The following AGMO variants were observed in gnomAD, a reference collection of about 807,000 sequenced individuals.
AGMO encodes alkylglycerol monooxygenase, also known as glyceryl-ether monooxygenase.
AGMO carries 75 observed loss-of-function variants against 60.2 expected under a neutral mutation model. That is an observed-to-expected ratio of 1.25 (90% confidence interval 1.03 to 1.51). The LOEUF (loss-of-function observed/expected upper bound fraction) is 1.51, where lower values mean the gene tolerates loss of function less well. Among genes scored for constraint, AGMO ranks in the 40% most tolerant of loss-of-function variants. The pLI, the probability that AGMO is intolerant of heterozygous loss-of-function variation, is 0.00. For missense variants in AGMO, 763 were observed against 525.5 expected, an observed-to-expected ratio of 1.45 and a Z score of -4.42; for synonymous variants, 261 against 177.1, an observed-to-expected ratio of 1.47 and a Z score of -3.76.
At chr7:15,518,542 G>A (rs1228512755) in intron 3 of AGMO, among the ~76,000 whole-genome samples, 1 of 152,100 alleles carries the variant, frequency 6.6e-6, no homozygotes, top group African/African-American at 2.4e-5. Flanking sequence ...GTCTGGAGTG[G>A]ACCTCCAGCA....
the AGMO span, among the ~76,000 whole-genome samples, chr7:15,183,060 A>G: frequency 6.6e-6 from 1 of 152,220 alleles, no homozygotes; most frequent in Non-Finnish European, 1.5e-5. Context: ...ATTGGGGATT[A>G]CAATTTGACA....
At chr7:15,486,378 G>A (rs1180567773) in intron 3 of AGMO, among the ~76,000 whole-genome samples, 1 of 152,072 alleles carries the variant, frequency 6.6e-6, no homozygotes, top group Non-Finnish European at 1.5e-5. Flanking sequence ...ATTTTCTCAG[G>A]AACTGAAGTA....
In AGMO at chr7:15,390,883, G is replaced by C. The variant is rs1784110861; in HGVS notation, c.699C>G (p.Asp233Glu). ...TAATAAGAACACCAGCATAATTTTTGTCTATGCAATAACGATTTCTGCCTA... is the reference window on the plus strand; with the variant it reads ...TAATAAGAACACCAGCATAATTTTTCTCTATGCAATAACGATTTCTGCCTA... ...VHHGRNRYCIDKNYAGVLIIW... is the reference protein window; with the variant it reads ...VHHGRNRYCIEKNYAGVLIIW... Residue 233 changes from aspartate (D) to glutamate (E), a missense_variant, in exon 7 of 13, where the codon GAC (aspartate) becomes GAG (glutamate). Physicochemically the swap from Asp to Glu is conservative, Grantham distance 45. Coordinates refer to ENST00000342526, the MANE Select transcript of AGMO (RefSeq NM_001004320.2). The C allele has an allele frequency of 1.9e-6, 3 of 1,602,352 alleles. No individual in the cohort carries two copies. Among genetic ancestry groups the C allele is most frequent in the Non-Finnish European group, 1.7e-6 (2 of 1,173,708 alleles).
At chr7:15,199,315 G>A (rs1407364613), downstream of AGMO, among the ~76,000 whole-genome samples, 1 of 152,166 alleles carries the variant, frequency 6.6e-6, no homozygotes, top group Non-Finnish European at 1.5e-5. Context: ...ACCCAAGAGA[G>A]AAGAGAGAGA....
chr7:15,373,083 G>A (rs562776621), intron 10 of AGMO, among the ~76,000 whole-genome samples: 70 of 152,178 alleles, frequency 4.6e-4, no homozygotes, highest in Admixed American at 7.9e-4. Flanking sequence ...GGCCAACATG[G>A]CAAAACCCCA....
At chr7:15,184,870 GGGAA>G in the AGMO span, among the ~76,000 whole-genome samples, 2 of 106,342 alleles carry the variant, frequency 1.9e-5, no homozygotes, top group African/African-American at 3.7e-5. Context: ...AAGGGAGGGA[GGGAA>G]GGAAGGAAGG....
the AGMO span, among the ~76,000 whole-genome samples, chr7:15,162,318 GT>G: frequency 6.6e-6 from 1 of 152,188 alleles, no homozygotes; most frequent in Middle Eastern, 3.4e-3. Context: ...TTTGCAAACA[GT>G]TTACAACTCA....
At chr7:15,496,804 G>T (rs544985216) in intron 3 of AGMO, among the ~76,000 whole-genome samples, 2 of 152,112 alleles carry the variant, frequency 1.3e-5, no homozygotes, top group East Asian at 3.9e-4. Context: ...TTAGCAAAGC[G>T]CACTTGCATT....
chr7:15,507,088 G>A (rs1036195610), intron 3 of AGMO, among the ~76,000 whole-genome samples: 8 of 151,996 alleles, frequency 5.3e-5, no homozygotes, highest in African/African-American at 1.9e-4. Context: ...ACATATTTAT[G>A]ATAGTTAAGG....
At chr7:15,463,568 T>C (rs1415316029) in intron 3 of AGMO, among the ~76,000 whole-genome samples, 7 of 152,208 alleles carry the variant, frequency 4.6e-5, no homozygotes, top group Non-Finnish European at 7.3e-5. Flanking sequence ...TTAATAAGCA[T>C]TTCTTGAATA....
At chr7:15,526,045 T>A (rs1379255719) in intron 3 of AGMO, among the ~76,000 whole-genome samples, 1 of 152,122 alleles carries the variant, frequency 6.6e-6, no homozygotes, top group East Asian at 1.9e-4. Flanking sequence ...ACTAGCTCAC[T>A]CACACACCTC....
chr7:15,268,502 A>G (rs1563062023), intron 12 of AGMO, among the ~76,000 whole-genome samples: 1 of 152,004 alleles, frequency 6.6e-6, no homozygotes, highest in African/African-American at 2.4e-5. Flanking sequence ...TCATGCAATT[A>G]TATTTATTGT....
At chr7:15,252,976 C>T (rs1006780953) in intron 12 of AGMO, among the ~76,000 whole-genome samples, 6 of 152,020 alleles carry the variant, frequency 3.9e-5, no homozygotes, top group Non-Finnish European at 5.9e-5. Flanking sequence ...AATTGAGAAC[C>T]CCTAGATTCA....
chr7:15,408,658 T>C (rs1784765370), intron 5 of AGMO, among the ~76,000 whole-genome samples: 2 of 151,786 alleles, frequency 1.3e-5, no homozygotes, highest in Admixed American at 6.6e-5. Context: ...ATCAATGATA[T>C]AGGATTTCAG....
At chr7:15,397,982 G>T (rs1277405914) in intron 5 of AGMO, among the ~76,000 whole-genome samples, 1 of 152,190 alleles carries the variant, frequency 6.6e-6, no homozygotes, top group Non-Finnish European at 1.5e-5. Flanking sequence ...ACAAGAAAGT[G>T]GGGGATCCTC....
chr7:15,155,850 G>A, the AGMO span, among the ~76,000 whole-genome samples: 1 of 152,066 alleles, frequency 6.6e-6, no homozygotes, highest in Non-Finnish European at 1.5e-5. Context: ...TTTGAGTGTG[G>A]AATAAGTTGC....
At chr7:15,248,190 A>ATG (rs1782811158) in intron 12 of AGMO, among the ~76,000 whole-genome samples, 4 of 55,278 alleles carry the variant, frequency 7.2e-5, no homozygotes, top group African/African-American at 1.8e-4. Context: ...ATATATATAT[A>ATG]TATATATATA....
At chr7:15,415,552 A>T (rs1268124735) in intron 5 of AGMO, among the ~76,000 whole-genome samples, 1 of 152,060 alleles carries the variant, frequency 6.6e-6, no homozygotes, top group African/African-American at 2.4e-5. Context: ...AGAAAAAAAA[A>T]TATCATTGAA....
At chr7:15,509,315 T>C (rs1783610194) in intron 3 of AGMO, among the ~76,000 whole-genome samples, 1 of 150,790 alleles carries the variant, frequency 6.6e-6, no homozygotes. Context: ...AAATACACAA[T>C]GGGGAAAGAA....
Sources: gnomAD v4.1 joint callset for allele counts (sites outside exome capture counted in the v4.1 genomes callset) on GRCh38, gnomAD v4.1.1 for gene constraint, MANE v1.5 for transcripts, NCBI Gene and HGNC (gene_info 2026-07-23, HGNC 2026-07-21) for gene names.